Variants in NTM observed in about 807,000 individuals in gnomAD.
NTM encodes neurotrimin.
In NTM, 13 loss-of-function variants were observed where a neutral mutation model predicts 42.1. That is an observed-to-expected ratio of 0.31 (90% CI 0.20 to 0.49). The LOEUF is 0.49. NTM is among the 20% of genes least tolerant of loss of function. The pLI, the probability that NTM is intolerant of heterozygous loss-of-function variation, is 0.99. For synonymous variants in NTM, 187 were observed against 179.2 expected, an observed-to-expected ratio of 1.04 and a Z score of -0.35; for missense variants, 373 against 452.8, an observed-to-expected ratio of 0.82 and a Z score of 1.60.
intron 1 of NTM, among the ~76,000 whole-genome samples, chr11:131,805,234 C>A (rs771877337): frequency 4.6e-5 from 7 of 152,298 alleles, no homozygotes; most frequent in Middle Eastern, 3.4e-3. Flanking sequence ...GACAGAAATT[C>A]TTTTCTTTAC....
intron 4 of NTM, among the ~76,000 whole-genome samples, chr11:132,257,567 A>T (rs2092579347): frequency 6.6e-6 from 1 of 152,122 alleles, no homozygotes; most frequent in African/African-American, 2.4e-5. Flanking sequence ...ACTCCTGAAG[A>T]AGCCAGCATG....
rs554702981 is a variant in NTM at position 131,923,801 on chromosome 11, G to T, written c.167+12153G>T. ...TTTATTAAGAGAATTGTACCTTAGC[G>T]CTCTAGAGGATAATGATTAAGTGCA... is the stretch of plus-strand genomic sequence containing the variant. On this transcript the variant is annotated intron_variant, in intron 2 of 8. Transcript: ENST00000683400. Among the ~76,000 whole-genome samples, 42 of 152,286 alleles carry T rather than the reference G, an allele frequency of 2.8e-4. No individual in the cohort carries two copies. In the South Asian group the frequency reaches 8.5e-3, roughly 31 times the overall value.
At chr11:131,971,078 G>A (rs529127931) in intron 2 of NTM, among the ~76,000 whole-genome samples, 65 of 152,014 alleles carry the variant, frequency 4.3e-4, no homozygotes, top group South Asian at 1.0e-3. Context: ...TAGTTTCATA[G>A]CCAGCGGTGA....
intron 1 of NTM, among the ~76,000 whole-genome samples, chr11:131,385,863 G>A (rs905284107): frequency 6.6e-5 from 10 of 151,978 alleles, no homozygotes; most frequent in Non-Finnish European, 1.2e-4. Context: ...GTGTCTAAAC[G>A]AAACAAAATA....
At chr11:131,820,999 C>A (rs74985421) in intron 1 of NTM, among the ~76,000 whole-genome samples, 11,710 of 151,104 alleles carry the variant, frequency 0.077, 1,492 homozygotes, top group African/African-American at 0.27. Context: ...TCAACTCTAG[C>A]AGTAACACCA....
At chr11:132,185,176 T>C (rs990288619) in intron 3 of NTM, among the ~76,000 whole-genome samples, 1 of 152,184 alleles carries the variant, frequency 6.6e-6, no homozygotes, top group South Asian at 2.1e-4. Context: ...AACATCTCTT[T>C]CTGTGTCTTG....
chr11:132,295,539 C>T lies in NTM; in HGVS notation c.527-12150C>T, dbSNP rs556291123. Among the ~76,000 whole-genome samples, 48 of 152,178 alleles carry T rather than the reference C, an allele frequency of 3.2e-4. 1 individual carries two copies. In the South Asian group the frequency reaches 9.0e-3, roughly 28 times the overall value. ...TAATAAACTAGGTGGGGAGGAGGCC[C>T]GGAAGTTTGAATGTGACGAAAGGGT... On this transcript the variant is annotated intron_variant, in intron 4 of 8. Coordinates refer to ENST00000683400, the MANE Select transcript of NTM (RefSeq NM_001352005.2).
intron 2 of NTM, among the ~76,000 whole-genome samples, chr11:132,046,389 A>T (rs1280297701): frequency 6.6e-6 from 1 of 151,922 alleles, no homozygotes; most frequent in African/African-American, 2.4e-5. Context: ...AGGAAAAGAA[A>T]AAAAAAAACC....
At chr11:131,850,183 C>T (rs1005551721) in intron 1 of NTM, among the ~76,000 whole-genome samples, 4 of 152,142 alleles carry the variant, frequency 2.6e-5, no homozygotes, top group African/African-American at 7.2e-5. Flanking sequence ...TTAACTTCCA[C>T]AGTTGCAGCT....
At chr11:132,167,243 A>G (rs1021269466) in intron 3 of NTM, among the ~76,000 whole-genome samples, 4 of 151,680 alleles carry the variant, frequency 2.6e-5, no homozygotes, top group Non-Finnish European at 5.9e-5. Flanking sequence ...AACATTTTTT[A>G]TTTGTTTTGT....
chr11:132,113,245 TG>T (rs2063464874), intron 2 of NTM, among the ~76,000 whole-genome samples: 1 of 152,170 alleles, frequency 6.6e-6, no homozygotes. Flanking sequence ...CCTGGGTGGT[TG>T]GTAAGATATT....
intron 4 of NTM, among the ~76,000 whole-genome samples, chr11:132,230,627 A>G (rs896896561): frequency 1.6e-4 from 24 of 152,348 alleles, no homozygotes; most frequent in Admixed American, 1.4e-3. Context: ...AGCCTTCGCC[A>G]TCTCCTCTGT....
intron 2 of NTM, among the ~76,000 whole-genome samples, chr11:132,021,781 G>A (rs2074374144): frequency 6.6e-6 from 1 of 152,186 alleles, no homozygotes; most frequent in South Asian, 2.1e-4. Context: ...GTCCCCTTCT[G>A]ATAGATTTGT....
At chr11:131,924,138 C>T (rs761464659) in intron 2 of NTM, among the ~76,000 whole-genome samples, 2 of 152,212 alleles carry the variant, frequency 1.3e-5, no homozygotes, top group Non-Finnish European at 2.9e-5. Flanking sequence ...CAGTGCAGGG[C>T]ACGGAGCTGG....
chr11:131,934,428 A>G (rs2058990668), intron 2 of NTM, among the ~76,000 whole-genome samples: 1 of 152,254 alleles, frequency 6.6e-6, no homozygotes, highest in South Asian at 2.1e-4. Context: ...TTATAATCAT[A>G]TAAAGTCTTT....
At chr11:131,402,081 C>G (rs934013399) in intron 1 of NTM, among the ~76,000 whole-genome samples, 4 of 151,198 alleles carry the variant, frequency 2.6e-5, no homozygotes, top group African/African-American at 4.9e-5. Flanking sequence ...TTTGGAAAGA[C>G]AGCTGGCAGG....
At chr11:131,561,142 G>A (rs2056180392) in intron 1 of NTM, among the ~76,000 whole-genome samples, 1 of 152,210 alleles carries the variant, frequency 6.6e-6, no homozygotes, top group Non-Finnish European at 1.5e-5. Context: ...GGTTATTTCG[G>A]TGGCAGCAGC....
chr11:132,040,048 C>G (rs1242190853), intron 2 of NTM, among the ~76,000 whole-genome samples: 1 of 151,964 alleles, frequency 6.6e-6, no homozygotes, highest in Admixed American at 6.6e-5. Flanking sequence ...CCTCAGCCTC[C>G]CTCTGGAGTA....
intron 1 of NTM, among the ~76,000 whole-genome samples, chr11:131,572,478 C>A (rs2057535694): frequency 6.6e-6 from 1 of 152,200 alleles, no homozygotes; most frequent in Admixed American, 6.5e-5. Context: ...CCCATCCCTG[C>A]TTCCTTCCCT....
Sources: allele counts gnomAD v4.1 joint callset (sites outside exome capture counted in the v4.1 genomes callset), GRCh38; gene constraint gnomAD v4.1.1; transcripts MANE v1.5; gene names NCBI Gene and HGNC (gene_info 2026-07-23, HGNC 2026-07-21).